Variants in ANO5 observed in about 807,000 individuals in gnomAD.
ANO5 encodes anoctamin-5.
Under a neutral mutation model 121.0 loss-of-function variants are expected in ANO5, and 109 were observed. The observed-to-expected ratio is 0.90, with a 90% CI of 0.77 to 1.06. The LOEUF (loss-of-function observed/expected upper bound fraction) is 1.06. Ranked by LOEUF, ANO5 falls within the 50% of genes least tolerant of loss-of-function variation. The probability of loss-of-function intolerance (pLI) is 0.00; values close to 1 mark genes in which losing one functional copy is unlikely to be tolerated. For synonymous variants in ANO5, 406 were observed against 359.9 expected, an observed-to-expected ratio of 1.13 and a Z score of -1.45; for missense variants, 1,064 against 1,078.5, an observed-to-expected ratio of 0.99 and a Z score of 0.19.
intron 9 of ANO5, among the ~76,000 whole-genome samples, chr11:22,249,649 G>A (rs922762819): frequency 1.3e-5 from 2 of 152,070 alleles, no homozygotes; most frequent in African/African-American, 2.4e-5. Flanking sequence ...CAAGAGCTAG[G>A]CTGCATATTT....
intron 8 of ANO5, among the ~76,000 whole-genome samples, chr11:22,237,526 G>A (rs942154215): frequency 4.6e-5 from 7 of 152,106 alleles, no homozygotes; most frequent in Non-Finnish European, 7.4e-5. Flanking sequence ...GAGTAGCTGG[G>A]ATTACAGGCA....
At chr11:22,196,333 T>A (rs1445389312) in intron 1 of ANO5, among the ~76,000 whole-genome samples, 1 of 152,082 alleles carries the variant, frequency 6.6e-6, no homozygotes, top group African/African-American at 2.4e-5. Context: ...TGCACTCCCA[T>A]GAGAATGGCA....
intron 6 of ANO5, 134 bp from the exon 7 acceptor site, chr11:22,227,168 G>T: frequency 1.7e-6 from 2 of 1,205,216 alleles, no homozygotes; most frequent in Non-Finnish European, 2.3e-6. Flanking sequence ...TCAAAGTTTT[G>T]CCTGAAAATT....
chr11:22,259,413 G>A (rs1439662417), intron 14 of ANO5, 106 bp from the exon 15 acceptor site: 21 of 1,229,836 alleles, frequency 1.7e-5, no homozygotes, highest in Non-Finnish European at 2.4e-5. Flanking sequence ...CATGAGAACT[G>A]CTAAACTTCA....
In ANO5 at chr11:22,269,278, GA is replaced by G. The variant is rs1564948204; in HGVS notation, c.1899-1032del. On this transcript the variant is annotated intron_variant, in intron 17 of 21. Coordinates refer to ENST00000324559, the MANE Select transcript of ANO5 (RefSeq NM_213599.3). ...AAGAGAAGGAAAAGGGAAGGGAAGGGAAGAGAAGGGAAGAAGGAAAGAAGAA... is the reference window on the plus strand; with the variant it reads ...AAGAGAAGGAAAAGGGAAGGGAAGGGAGAGAAGGGAAGAAGGAAAGAAGAA... Among the ~76,000 whole-genome samples, 42 of 52,228 alleles carry G rather than the reference GA, an allele frequency of 8.0e-4. 3 individuals are homozygous for G. The highest frequency in any genetic ancestry group is 4.6e-3 in the African/African-American group (41 of 8,882). The allele number at this position is 52,228 out of a possible 152,430, so 34.3% of individuals were successfully genotyped here.
chr11:22,221,247 G>C (rs1307214509), intron 5 of ANO5, 37 bp downstream of exon 5: 1 of 1,492,182 alleles, frequency 6.7e-7, no homozygotes, highest in Non-Finnish European at 9.3e-7. Flanking sequence ...ATAATAAAAA[G>C]AAGCACATTT....
chr11:22,207,593 G>A (rs1234027173), intron 2 of ANO5, among the ~76,000 whole-genome samples: 1 of 152,020 alleles, frequency 6.6e-6, no homozygotes, highest in African/African-American at 2.4e-5. Flanking sequence ...GGATCAAACT[G>A]TTTGGAAATT....
At chr11:22,241,924 G>C (rs1853446330) in intron 9 of ANO5, among the ~76,000 whole-genome samples, 1 of 151,906 alleles carries the variant, frequency 6.6e-6, no homozygotes, top group African/African-American at 2.4e-5. Context: ...TTTTGATGTT[G>C]CAATTGCTTT....
At chr11:22,263,102 G>C in intron 17 of ANO5, 59 bp downstream of exon 17, 1 of 1,415,506 alleles carries the variant, frequency 7.1e-7, no homozygotes, top group Non-Finnish European at 9.9e-7. Flanking sequence ...ATTTCCTCTA[G>C]AAGAAGATGG....
intron 7 of ANO5, among the ~76,000 whole-genome samples, chr11:22,230,324 G>T (rs1056427314): frequency 9.2e-5 from 14 of 151,810 alleles, no homozygotes; most frequent in African/African-American, 3.4e-4. Flanking sequence ...TAAAGATAGA[G>T]AATTAATTTT....
rs906310347 is a variant in ANO5 at position 22,283,307 on chromosome 11, C to G, written c.*3542C>G. 3 of 152,108 alleles carry G rather than the reference C, an allele frequency of 2.0e-5. No homozygotes were observed. The highest frequency in any genetic ancestry group is 4.4e-5 in the Non-Finnish European group (3 of 68,034). 9.4% of individuals were successfully genotyped at this position (152,108 alleles called of 1,614,324 possible). On this transcript the variant is annotated 3_prime_UTR_variant, in exon 22 of 22. Coordinates refer to ENST00000324559, the MANE Select transcript of ANO5 (RefSeq NM_213599.3). ...TCTCTTAAATAATGTGTACATAAAT[C>G]TCAAGAGAATCAAATTCACAGAGTG...
Position 22,263,035 on chromosome 11 carries a change from C to T in ANO5, c.1890C>T (p.Ala630=). ...GKQIFGNIKE[A]IYPLALNWWR... ...AGATTTTTGGAAACATTAAAGAAGC[C>T]ATTTATCCGTATGTATGACTTACAA... Residue 630 remains alanine, a synonymous_variant, in exon 17 of 22, where the codon GCC becomes GCT. Transcript: ENST00000324559. 6.2e-7 allele frequency: 1 copy of T among 1,608,118 alleles called. No individual in the cohort carries two copies. The highest frequency in any genetic ancestry group is 8.5e-7 in the Non-Finnish European group (1 of 1,175,034).
At position 22,193,399 on chromosome 11, in the gene ANO5, C is replaced by A; in HGVS notation, c.-94C>A. 1 of 1,548,946 alleles carries A rather than the reference C, an allele frequency of 6.5e-7. No individual in the cohort carries two copies. The highest frequency in any genetic ancestry group is 1.2e-5 in the South Asian group (1 of 84,196). ...AGCAGCAACTCCGGCGGCCCACAGT[C>A]AGATTCAGCACCTGCCTCAGATCTC... On this transcript the variant is annotated 5_prime_UTR_variant, in exon 1 of 22. Coordinates refer to ENST00000324559, the MANE Select transcript of ANO5 (RefSeq NM_213599.3).
chr11:22,213,452 T>TA (rs1228275279), intron 3 of ANO5, among the ~76,000 whole-genome samples: 1 of 151,832 alleles, frequency 6.6e-6, no homozygotes, highest in Non-Finnish European at 1.5e-5. Flanking sequence ...TTTTTTTTTT[T>TA]ATGATTAGAC....
chr11:22,244,846 C>G (rs1167580294), intron 9 of ANO5, among the ~76,000 whole-genome samples: 1 of 151,982 alleles, frequency 6.6e-6, no homozygotes, highest in Non-Finnish European at 1.5e-5. Context: ...GATGAGTGTC[C>G]TTTCCATTCT....
At chr11:22,268,631 C>G (rs1854457177) in intron 17 of ANO5, among the ~76,000 whole-genome samples, 1 of 152,096 alleles carries the variant, frequency 6.6e-6, no homozygotes. Flanking sequence ...ATTTTACTGG[C>G]TAAGATCTCC....
In ANO5 at chr11:22,282,649, G is replaced by C. The variant is rs1238939289; in HGVS notation, c.*2884G>C. 6.6e-6 allele frequency: 1 copy of C among 152,106 alleles called. No homozygotes were observed. Among genetic ancestry groups the C allele is most frequent in the Admixed American group, 6.6e-5 (1 of 15,258 alleles). 9.4% of individuals were successfully genotyped at this position (152,106 alleles called of 1,614,324 possible). A position where few individuals can be genotyped will look rare whatever the true frequency, so the allele number is the denominator to read the frequency against. ...GATAAGAGGTATATCTCTTAAAAAA[G>C]ACACCTAATGAAAGTGAGAGAAAAG... On this transcript the variant is annotated 3_prime_UTR_variant, in exon 22 of 22. Transcript: ENST00000324559.
At chr11:22,198,241 C>T (rs953200562) in intron 1 of ANO5, among the ~76,000 whole-genome samples, 3 of 152,072 alleles carry the variant, frequency 2.0e-5, no homozygotes, top group Non-Finnish European at 4.4e-5. Context: ...AGCTAGGTGT[C>T]CAGAGAGGGC....
chr11:22,193,079 A>G, upstream of ANO5: 1 of 1,058,554 alleles, frequency 9.4e-7, no homozygotes, highest in Non-Finnish European at 1.1e-6. Flanking sequence ...GCCAGAGGGC[A>G]GGAGTGGAAA....
Sources: allele counts gnomAD v4.1 joint callset (sites outside exome capture counted in the v4.1 genomes callset), GRCh38; gene constraint gnomAD v4.1.1; transcripts MANE v1.5; gene names NCBI Gene and HGNC (gene_info 2026-07-23, HGNC 2026-07-21).